Variants in SV2B observed in about 807,000 individuals in gnomAD.
SV2B encodes the protein solute carrier family 22 member B2.
A neutral mutation model predicts 73.9 loss-of-function variants in SV2B; 41 were observed. The observed-to-expected ratio is 0.56, with a 90% CI of 0.43 to 0.72. SV2B has a LOEUF of 0.72. Among genes scored for constraint, SV2B ranks in the 30% least tolerant of loss-of-function variants. The pLI is 0.00. For synonymous variants in SV2B, 314 were observed against 314.2 expected (o/e 1.00, Z 0.01); for missense variants, 764 against 857.8 (o/e 0.89, Z 1.37).
chr15:91,193,103 CTT>C (rs2045105191), intron 1 of SV2B, among the ~76,000 whole-genome samples: 1 of 152,210 alleles, frequency 6.6e-6, no homozygotes, highest in South Asian at 2.1e-4. Flanking sequence ...GGGCATCTAT[CTT>C]TGTTTGCTCA....
rs567463949 is a variant in SV2B, at chr15:91,240,504, C to A, written c.452-11315C>A. 7.3e-4 allele frequency among the ~76,000 whole-genome samples: 111 copies of A among 152,212 alleles called. No homozygotes were observed. Among genetic ancestry groups the A allele is most frequent in the African/African-American group, 2.6e-3 (109 of 41,518 alleles). On this transcript the variant is annotated intron_variant, in intron 2 of 12. Transcript: ENST00000394232. The surrounding 1 kb of genome is among the most constrained non-coding windows in gnomAD (Gnocchi z 4.6). The stretch of plus-strand genomic sequence containing the variant: ...TAGTCCCTCCTGTCCTGTCATGGAG[C>A]CAACATTTTAATAAAGAAAAAGGCT...
At chr15:91,276,842 A>G (rs1030478429) in intron 9 of SV2B, among the ~76,000 whole-genome samples, 3 of 135,040 alleles carry the variant, frequency 2.2e-5, no homozygotes, top group Non-Finnish European at 4.5e-5. Context: ...ATTATTTGAG[A>G]CAGAGTTTTG....
chr15:91,237,791 G>A (rs542491453), intron 2 of SV2B, among the ~76,000 whole-genome samples: 2 of 152,294 alleles, frequency 1.3e-5, no homozygotes, highest in East Asian at 1.9e-4. Flanking sequence ...CTGTATTTGC[G>A]ATGATGTTTG....
At chr15:91,230,729 G>A (rs918963952) in intron 2 of SV2B, among the ~76,000 whole-genome samples, 2 of 152,116 alleles carry the variant, frequency 1.3e-5, no homozygotes, top group African/African-American at 4.8e-5. Flanking sequence ...ATTACCACAC[G>A]CCTGGTACTC....
rs900758162 is a variant in SV2B, at chr15:91,261,278, A to G, written c.1008+869A>G. ...ACTGTGTCTGAAAAAAAAAGATAAC[A>G]GAAATAAACAGATTTCTCTGGGGAT... On this transcript the variant is annotated intron_variant, in intron 6 of 12. Transcript: ENST00000394232. The surrounding 1 kb of genome is among the most constrained non-coding windows in gnomAD (Gnocchi z 4.7). 1.3e-5 allele frequency among the ~76,000 whole-genome samples: 2 copies of G among 152,202 alleles called. No individual in the cohort carries two copies. Among genetic ancestry groups the G allele is most frequent in the African/African-American group, 2.4e-5 (1 of 41,444 alleles).
At chr15:91,103,387 C>G (rs973264036) in intron 1 of SV2B, among the ~76,000 whole-genome samples, 1 of 152,142 alleles carries the variant, frequency 6.6e-6, no homozygotes, top group Non-Finnish European at 1.5e-5. Flanking sequence ...AGCAAACAGG[C>G]CAGCAGTCCT....
intron 9 of SV2B, among the ~76,000 whole-genome samples, chr15:91,270,924 A>AGGACGGTGAGTCCTGTGGACGATGGGC (rs2048284352): frequency 2.6e-5 from 3 of 115,838 alleles, no homozygotes; most frequent in East Asian, 2.3e-4. Context: ...GGACGATGGG[A>AGGACGGTGAGTCCTGTGGACGATGGGC]GGACGGTGAG....
intron 2 of SV2B, among the ~76,000 whole-genome samples, chr15:91,248,894 T>C (rs1351209747): frequency 6.6e-6 from 1 of 152,180 alleles, no homozygotes; most frequent in Non-Finnish European, 1.5e-5. Flanking sequence ...TGTTTTTCTC[T>C]AGGGTGGACT....
At chr15:91,180,599 T>A (rs1227924661) in intron 1 of SV2B, among the ~76,000 whole-genome samples, 1 of 152,212 alleles carries the variant, frequency 6.6e-6, no homozygotes, top group Non-Finnish European at 1.5e-5. Flanking sequence ...TTTCTTTTTA[T>A]TCTTTTTTCT....
At chr15:91,277,176 A>T (rs1258164783) in intron 9 of SV2B, among the ~76,000 whole-genome samples, 1 of 152,178 alleles carries the variant, frequency 6.6e-6, no homozygotes, top group Non-Finnish European at 1.5e-5. Context: ...TGCAAGTCAG[A>T]TGTTTTGTAT....
intron 1 of SV2B, among the ~76,000 whole-genome samples, chr15:91,148,743 A>T (rs1366560735): frequency 1.3e-5 from 2 of 152,172 alleles, no homozygotes; most frequent in African/African-American, 4.8e-5. Flanking sequence ...GACCCAGGAG[A>T]GCTGATGGTG....
At chr15:91,168,331 A>AGAGAGAGAGAGAGAGAGAGAG (rs58086579) in intron 1 of SV2B, among the ~76,000 whole-genome samples, 10 of 151,028 alleles carry the variant, frequency 6.6e-5, no homozygotes, top group South Asian at 4.2e-4. Context: ...AGAGAGAGAG[A>AGAGAGAGAGAGAGAGAGAGAG]AAAGAAATTT....
rs144526397 is a variant in SV2B at position 91,276,895 on chromosome 15, C to T, written c.1374-4833C>T. Reference sequence around the variant, plus strand: ...GGAGCGCAATGGCATGATCTCAGCTCACCGCAATCTCTGCCTCCCAGTTCA... The same window carrying T: ...GGAGCGCAATGGCATGATCTCAGCTTACCGCAATCTCTGCCTCCCAGTTCA... On this transcript the variant is annotated intron_variant, in intron 9 of 12. Transcript: ENST00000394232. Among the ~76,000 whole-genome samples the T allele has an allele frequency of 1.4e-4, 19 of 131,094 alleles. 1 individual carries two copies. Among genetic ancestry groups the T allele is most frequent in the African/African-American group, 6.1e-4 (19 of 31,130 alleles). The allele number at this position is 131,094 out of a possible 152,430, so 86.0% of individuals were successfully genotyped here.
chr15:91,120,811 C>CA (rs756474473), intron 1 of SV2B, among the ~76,000 whole-genome samples: 36,000 of 96,040 alleles, frequency 0.37, 5,800 homozygotes, highest in Non-Finnish European at 0.46. Context: ...GAACCTGTCT[C>CA]AAAAAAAAAA....
At chr15:91,153,812 G>T (rs1046547824) in intron 1 of SV2B, among the ~76,000 whole-genome samples, 9 of 151,850 alleles carry the variant, frequency 5.9e-5, no homozygotes, top group African/African-American at 1.9e-4. Flanking sequence ...TGAGGGCAGG[G>T]GCAGGGGCAG....
chr15:91,233,910 C>A (rs1174425657), intron 2 of SV2B, among the ~76,000 whole-genome samples: 1 of 152,118 alleles, frequency 6.6e-6, no homozygotes, highest in African/African-American at 2.4e-5. Context: ...AAAAGAATGA[C>A]TTGATTTTTC....
chr15:91,222,289 G>A lies in SV2B; in HGVS notation c.-391-3584G>A, dbSNP rs117887940. Among the ~76,000 whole-genome samples, 1,435 of 152,254 alleles carry A rather than the reference G, an allele frequency of 9.4e-3. 9 individuals are homozygous for A. The highest frequency in any genetic ancestry group is 0.02 in the Middle Eastern group (6 of 294). On this transcript the variant is annotated intron_variant, in intron 1 of 12. Transcript: ENST00000394232. ...GCGCAATAATAGTCCCACCTCATAC[G>A]GTCGTTGTGCAGGTTAAAAGATGTA...
chr15:91,202,635 G>T (rs1234152252), intron 1 of SV2B, among the ~76,000 whole-genome samples: 4 of 152,216 alleles, frequency 2.6e-5, no homozygotes, highest in African/African-American at 9.6e-5. Context: ...CTGGGAAGCA[G>T]AGGGAGATTA....
At position 91,121,617 on chromosome 15, in the gene SV2B, A is replaced by C. The variant is rs1361436352; in HGVS notation, c.-392+21254A>C. On this transcript the variant is annotated intron_variant, in intron 1 of 12. Coordinates refer to ENST00000394232, the MANE Select transcript of SV2B (RefSeq NM_001323032.3). This position sits in a 1 kb window ranked among gnomAD's most constrained non-coding sequence, Gnocchi z 4.4. ...CAGGGCACCCATTAGCTGGAAGGGA[A>C]GAAAGCAGAGTTGGCTTAGAGATGA... Among the ~76,000 whole-genome samples, 1 of 152,170 alleles carries C rather than the reference A, an allele frequency of 6.6e-6. No homozygotes were observed. Among genetic ancestry groups the C allele is most frequent in the Non-Finnish European group, 1.5e-5 (1 of 68,026 alleles).
Sources: allele counts gnomAD v4.1 joint callset (sites outside exome capture counted in the v4.1 genomes callset), GRCh38; gene constraint gnomAD v4.1.1; non-coding constraint Gnocchi (gnomAD v3.1); transcripts MANE v1.5; gene names NCBI Gene and HGNC (gene_info 2026-07-23, HGNC 2026-07-21).